MSI2: variants seen among roughly 807,000 people sequenced by gnomAD.
MSI2 encodes the protein RNA-binding protein Musashi homolog 2.
MSI2 carries 17 observed loss-of-function variants against 45.6 expected under a neutral mutation model. The ratio of observed to expected loss-of-function variants is 0.37; its 90% CI spans 0.26 to 0.56. The LOEUF is 0.56. Among genes scored for constraint, MSI2 ranks in the 20% least tolerant of loss-of-function variants. MSI2 has a pLI of 0.77. For missense variants in MSI2, 293 were observed against 444.2 expected (o/e 0.66, Z 3.06); for synonymous variants, 156 against 158.2 (o/e 0.99, Z 0.11).
At chr17:57,671,249 A>G (rs181391724) in intron 11 of MSI2, among the ~76,000 whole-genome samples, 1 of 152,216 alleles carries the variant, frequency 6.6e-6, no homozygotes. Flanking sequence ...TCCTGCTGCA[A>G]AAATGCCAAG....
intron 10 of MSI2, chr17:57,632,294 A>G: frequency 3.7e-6 from 4 of 1,076,192 alleles, no homozygotes; most frequent in Non-Finnish European, 4.5e-6. Context: ...ATGGACAGTG[A>G]TAAAGGTGAA....
intron 5 of MSI2, among the ~76,000 whole-genome samples, chr17:57,381,131 G>A (rs190669443): frequency 1.3e-5 from 2 of 152,296 alleles, no homozygotes; most frequent in Non-Finnish European, 2.9e-5. Context: ...GCAGTGGCAT[G>A]ATCATGGCTC....
chr17:57,374,212 C>T (rs774682271), intron 5 of MSI2, among the ~76,000 whole-genome samples: 80 of 152,316 alleles, frequency 5.3e-4, no homozygotes, highest in Middle Eastern at 6.8e-3. Flanking sequence ...CTACATTGTA[C>T]TGTTTTAGGA....
At chr17:57,659,072 G>A (rs948242030) in intron 11 of MSI2, among the ~76,000 whole-genome samples, 1 of 151,802 alleles carries the variant, frequency 6.6e-6, no homozygotes, top group Non-Finnish European at 1.5e-5. Flanking sequence ...TGGTTGGTTG[G>A]TTGGTTGGTT....
At chr17:57,603,646 C>T (rs925557005) in intron 8 of MSI2, among the ~76,000 whole-genome samples, 7 of 152,340 alleles carry the variant, frequency 4.6e-5, no homozygotes, top group South Asian at 2.1e-4. Context: ...TTTTCTGTAA[C>T]GGGCCAGAGA....
At chr17:57,624,826 A>G (rs548637571) in intron 9 of MSI2, among the ~76,000 whole-genome samples, 1 of 152,248 alleles carries the variant, frequency 6.6e-6, no homozygotes, top group East Asian at 1.9e-4. Context: ...AAGGCTTTCT[A>G]CAGGTGACAA....
At chr17:57,403,933 GCACACACACA>G (rs58718271) in intron 6 of MSI2, among the ~76,000 whole-genome samples, 137 of 149,188 alleles carry the variant, frequency 9.2e-4, no homozygotes, top group Middle Eastern at 3.4e-3. Context: ...GAATGAATGT[GCACACACACA>G]CACACACACA....
Position 57,675,048 on chromosome 17 carries a change from C to G in MSI2, c.867C>G (p.Ala289=). ...PGPVADLYGP[A]SQDSGVGNYI... is the part of the protein sequence containing the mutation. The stretch of plus-strand genomic sequence containing the variant: ...CTGTCGCCGATCTCTACGGCCCTGC[C>G]AGCCAGGACTCCGGAGTGGGGAATT... The change falls in exon 12 of 14, where the codon GCC becomes GCG. Residue 289 remains alanine (A), a synonymous_variant. Coordinates refer to ENST00000284073, the MANE Select transcript of MSI2 (RefSeq NM_138962.4). 1 of 1,614,102 alleles carries G rather than the reference C, an allele frequency of 6.2e-7. No homozygotes were observed.
At chr17:57,258,087 T>G (rs574816041) in intron 3 of MSI2, among the ~76,000 whole-genome samples, 183 bp from the exon 4 acceptor site, 2 of 152,074 alleles carry the variant, frequency 1.3e-5, no homozygotes, top group African/African-American at 4.8e-5. Flanking sequence ...CCCGTTAACC[T>G]TGATGTTTTT....
intron 5 of MSI2, among the ~76,000 whole-genome samples, chr17:57,313,786 A>G (rs550258798): frequency 3.9e-5 from 6 of 152,300 alleles, no homozygotes; most frequent in Non-Finnish European, 5.9e-5. Context: ...ACAGGGCTCT[A>G]CCTTGAGCTC....
rs2143144999 is a variant in MSI2, at chr17:57,258,047, C to T, written c.186-223C>T. Among the ~76,000 whole-genome samples the T allele has an allele frequency of 2.0e-5, 3 of 152,204 alleles. No homozygotes were observed. The East Asian group carries it at 5.8e-4, about 29-fold the overall frequency. ...GAGGCACCAGCATTTTCCAAGTTAC[C>T]TCCACCCTCCCTGCCCCCGTTCCAC... On this transcript the variant is annotated intron_variant, in intron 3 of 13. Transcript: ENST00000284073.
chr17:57,375,047 T>G (rs2083474108), intron 5 of MSI2, among the ~76,000 whole-genome samples: 1 of 152,214 alleles, frequency 6.6e-6, no homozygotes, highest in Non-Finnish European at 1.5e-5. Flanking sequence ...GTGTGGCGGC[T>G]GAGTGCTTGG....
intron 6 of MSI2, chr17:57,449,692 C>T (rs1006107533): frequency 3.3e-5 from 5 of 152,038 alleles, no homozygotes; most frequent in African/African-American, 1.2e-4. Flanking sequence ...TTTCCCTTTC[C>T]GTGCTATAAA....
chr17:57,632,869 G>T, intron 10 of MSI2: 1 of 1,063,492 alleles, frequency 9.4e-7, no homozygotes, highest in South Asian at 4.6e-5. Flanking sequence ...TACATGTGCA[G>T]TTTGGCTCAT....
At chr17:57,514,975 C>T (rs993151383) in intron 6 of MSI2, among the ~76,000 whole-genome samples, 10 of 152,138 alleles carry the variant, frequency 6.6e-5, no homozygotes, top group Middle Eastern at 3.2e-3. Context: ...CAGAGCACCC[C>T]GACACACCCC....
At chr17:57,316,144 C>T (rs1337938710) in intron 5 of MSI2, among the ~76,000 whole-genome samples, 1 of 151,692 alleles carries the variant, frequency 6.6e-6, no homozygotes, top group African/African-American at 2.4e-5. Context: ...GTACTGTTAA[C>T]CCAGGGCCAT....
intron 6 of MSI2, among the ~76,000 whole-genome samples, chr17:57,507,977 A>G (rs1306503791): frequency 6.6e-6 from 1 of 152,136 alleles, no homozygotes; most frequent in Non-Finnish European, 1.5e-5. Flanking sequence ...CTTGCTGTGC[A>G]TTAGATGTGG....
intron 7 of MSI2, among the ~76,000 whole-genome samples, chr17:57,554,586 G>T (rs2087388305): frequency 6.6e-6 from 1 of 152,232 alleles, no homozygotes; most frequent in Non-Finnish European, 1.5e-5. Flanking sequence ...TATCCGGGAT[G>T]ATGTTATTGT....
intron 6 of MSI2, among the ~76,000 whole-genome samples, chr17:57,475,369 C>G (rs955881699): frequency 2.0e-5 from 3 of 152,140 alleles, no homozygotes; most frequent in African/African-American, 7.2e-5. Context: ...CCCAAGGACA[C>G]ATGCGTGCAC....
Sources: allele counts gnomAD v4.1 joint callset (sites outside exome capture counted in the v4.1 genomes callset), GRCh38; gene constraint gnomAD v4.1.1; transcripts MANE v1.5; gene names NCBI Gene and HGNC (gene_info 2026-07-23, HGNC 2026-07-21).